RNF213: variants seen among roughly 807,000 people sequenced by gnomAD.
The protein encoded by RNF213 is E3 ubiquitin-protein ligase RNF213.
In RNF213, 341 loss-of-function variants were observed where a neutral mutation model predicts 514.4. The ratio of observed to expected loss-of-function variants is 0.66; its 90% CI spans 0.61 to 0.73. The LOEUF is 0.73. Ranked by LOEUF, RNF213 falls within the 30% of genes least tolerant of loss-of-function variation. The pLI, the probability that RNF213 is intolerant of heterozygous loss-of-function variation, is 0.00. For missense variants in RNF213, 5,767 were observed against 6,615.6 expected (o/e 0.87, Z 4.45); for synonymous variants, 2,655 against 2,658.2 (o/e 1.00, Z 0.04).
chr17:80,385,506 A>T (rs755030616), intron 60 of RNF213, 32 bp from the exon 61 acceptor site: 11 of 1,603,320 alleles, frequency 6.9e-6, no homozygotes, highest in Admixed American at 6.7e-5. Flanking sequence ...GGTTGCTATC[A>T]TACGGTTCTT....
chr17:80,291,236 A>G (rs2044716524), intron 7 of RNF213, among the ~76,000 whole-genome samples: 1 of 151,536 alleles, frequency 6.6e-6, no homozygotes, highest in Admixed American at 6.6e-5. Flanking sequence ...TTTCTTTTTA[A>G]AAGTATTCTT....
Position 80,393,814 on chromosome 17 carries a change from A to C in RNF213, c.*316A>C. ...TTACATTCCAGGAGACTTGTAGCTC[A>C]GCCACACACGCAGTAATGACCTGTG... On this transcript the variant is annotated 3_prime_UTR_variant, in exon 68 of 68. Coordinates refer to ENST00000582970, the MANE Select transcript of RNF213 (RefSeq NM_001256071.3). 2.7e-6 allele frequency: 1 copy of C among 365,070 alleles called. No homozygotes were observed. Among genetic ancestry groups the C allele is most frequent in the South Asian group, 2.3e-5 (1 of 43,108 alleles). 22.6% of individuals were successfully genotyped at this position (365,070 alleles called of 1,614,324 possible).
chr17:80,261,484 G>A (rs1005667496), intron 1 of RNF213, among the ~76,000 whole-genome samples: 6 of 152,204 alleles, frequency 3.9e-5, no homozygotes, highest in African/African-American at 1.2e-4. Flanking sequence ...CCGGCGGGCC[G>A]GGCCCTGGGG....
chr17:80,322,145 T>TCC lies in RNF213; in HGVS notation c.3024+2839_3024+2840dup, dbSNP rs58281950. Among the ~76,000 whole-genome samples the TCC allele has an allele frequency of 2.5e-3, 225 of 88,626 alleles. 1 individual carries two copies. The highest frequency in any genetic ancestry group is 1.0e-2 in the East Asian group (15 of 1,504). 58.1% of individuals were successfully genotyped at this position (88,626 alleles called of 152,430 possible). A position where few individuals can be genotyped will look rare whatever the true frequency, so the allele number is the denominator to read the frequency against. Reference sequence around the variant, plus strand: ...GTTTATTGAGATATTTTGCCCCTCATCCCCCCCACCCCCCCTTTTTTTTTT... The same window carrying TCC: ...GTTTATTGAGATATTTTGCCCCTCATCCCCCCCCCACCCCCCCTTTTTTTTTT... On this transcript the variant is annotated intron_variant, in intron 17 of 67. Coordinates refer to ENST00000582970, the MANE Select transcript of RNF213 (RefSeq NM_001256071.3).
Position 80,353,193 on chromosome 17 carries a change from C to A in RNF213, c.10423+134C>A. ...CCTCGGCAGGAGCTCGGGGACACAT[C>A]TGCAGAACTGACTGGTGGCTCATCA... On this transcript the variant is annotated intron_variant, in intron 33 of 67. Transcript: ENST00000582970. This position sits in a 1 kb window ranked among gnomAD's most constrained non-coding sequence, Gnocchi z 5.0. 3.3e-6 allele frequency: 4 copies of A among 1,220,498 alleles called. No individual in the cohort carries two copies. In the South Asian group the frequency reaches 5.2e-5, roughly 16 times the overall value. The allele number at this position is 1,220,498 out of a possible 1,614,324, so 75.6% of individuals were successfully genotyped here.
At position 80,371,936 on chromosome 17, in the gene RNF213, T is replaced by C; in HGVS notation, c.12488T>C (p.Ile4163Thr). 1 of 1,598,830 alleles carries C rather than the reference T, an allele frequency of 6.3e-7. No individual in the cohort carries two copies. The highest frequency in any genetic ancestry group is 1.1e-5 in the South Asian group (1 of 90,806). Residue 4163 changes from isoleucine (I) to threonine (T), a missense_variant, in exon 47 of 68, where the codon ATA (isoleucine) becomes ACA (threonine). By Grantham distance (89) the Ile-to-Thr change is moderately conservative. This residue lies in a region of RNF213 where 1,245 missense variants were observed against 1,339.0 expected (regional missense o/e 0.93). Coordinates refer to ENST00000582970, the MANE Select transcript of RNF213 (RefSeq NM_001256071.3). ...ACCCTGTTAAAAAAGAAAGCATTCATAACTGAAGATAAAACTGAACTGTAC... is the reference window on the plus strand; with the variant it reads ...ACCCTGTTAAAAAAGAAAGCATTCACAACTGAAGATAAAACTGAACTGTAC... ...YLTLLKKKAF[I>T]TEDKTELYML...
At chr17:80,355,426 CGGGG>C (rs2078721995) in intron 36 of RNF213, 1 of 104,658 alleles carries the variant, frequency 9.6e-6, no homozygotes, top group Admixed American at 8.3e-5. Flanking sequence ...GAGGAAGAAG[CGGGG>C]TGGATGGGAA....
At chr17:80,287,472 A>G (rs1331432567) in intron 3 of RNF213, among the ~76,000 whole-genome samples, 3 of 152,220 alleles carry the variant, frequency 2.0e-5, no homozygotes, top group East Asian at 3.9e-4. Context: ...CCTGCACTCC[A>G]TCCTGGGCGA....
intron 2 of RNF213, among the ~76,000 whole-genome samples, chr17:80,271,116 TGGGAG>T (rs2043806905): frequency 2.0e-5 from 3 of 150,650 alleles, no homozygotes; most frequent in African/African-American, 7.4e-5. Context: ...GGTAGGTTGG[TGGGAG>T]GGTAGGTTGG....
At chr17:80,351,353 C>T (rs936515825) in intron 31 of RNF213, among the ~76,000 whole-genome samples, 16 of 152,188 alleles carry the variant, frequency 1.1e-4, no homozygotes, top group African/African-American at 3.6e-4. Context: ...TTCAGCTGTC[C>T]TCACCCTTAG....
At chr17:80,327,687 C>A in intron 18 of RNF213, 129 bp from the exon 19 acceptor site, 1 of 751,012 alleles carries the variant, frequency 1.3e-6, no homozygotes, top group Non-Finnish European at 2.1e-6. Flanking sequence ...TCTGGAGACA[C>A]TGGCCAGCCA....
At chr17:80,307,039 T>G in intron 12 of RNF213, 89 bp from the exon 13 acceptor site, 1 of 1,231,304 alleles carries the variant, frequency 8.1e-7, no homozygotes, top group Non-Finnish European at 1.2e-6. Context: ...ACCATATTGA[T>G]GTTGGATTTT....
chr17:80,376,540 G>T lies in RNF213; in HGVS notation c.13425G>T (p.Met4475Ile). ...LKNLAFSPATMAHAFLPTMPE... is the reference protein window; with the variant it reads ...LKNLAFSPATIAHAFLPTMPE... ...ATCTGGCCTTCTCCCCAGCCACCATGGCGGTAAGAGTAGGCCACAATTCCA... is the reference window on the plus strand; with the variant it reads ...ATCTGGCCTTCTCCCCAGCCACCATTGCGGTAAGAGTAGGCCACAATTCCA... Residue 4475 changes from methionine to isoleucine, a missense_variant, in exon 52 of 68, where the codon ATG (methionine) becomes ATT (isoleucine). By Grantham distance (10) the Met-to-Ile change is conservative. Transcript: ENST00000582970. 6.2e-7 allele frequency: 1 copy of T among 1,614,006 alleles called. No individual in the cohort carries two copies. The highest frequency in any genetic ancestry group is 2.2e-5 in the East Asian group (1 of 44,882).
chr17:80,358,193 G>A (rs2144323322), intron 36 of RNF213, 95 bp from the exon 37 acceptor site: 1 of 1,045,098 alleles, frequency 9.6e-7, no homozygotes, highest in East Asian at 2.5e-5. Context: ...TAGTTGTTTT[G>A]TTAATGCTCA....
In RNF213 at chr17:80,349,974, G is replaced by T. The variant is rs181148698; in HGVS notation, c.10088+68G>T. 4 of 1,573,804 alleles carry T rather than the reference G, an allele frequency of 2.5e-6. No homozygotes were observed. The East Asian group carries it at 6.7e-5, about 26-fold the overall frequency. ...CGCAGCCGTGTGGCTTCTGCGTGGC[G>T]ATGGTACCCGCGCCGGTTAATGAGC... is the stretch of plus-strand genomic sequence containing the variant. On this transcript the variant is annotated intron_variant, in intron 30 of 67. Coordinates refer to ENST00000582970, the MANE Select transcript of RNF213 (RefSeq NM_001256071.3).
chr17:80,318,674 C>T (rs1484212349), intron 16 of RNF213, among the ~76,000 whole-genome samples: 6 of 152,038 alleles, frequency 3.9e-5, no homozygotes, highest in East Asian at 1.9e-4. Context: ...CCCGGGTTCA[C>T]GCCATTCTCC....
chr17:80,387,559 G>C (rs949898470), intron 63 of RNF213, among the ~76,000 whole-genome samples: 3 of 152,176 alleles, frequency 2.0e-5, no homozygotes, highest in African/African-American at 7.2e-5. Flanking sequence ...GTAGTTAAAA[G>C]CATCCTGTAC....
Position 80,360,140 on chromosome 17 carries a change from A to G in RNF213, c.11134A>G (p.Ser3712Gly), listed in dbSNP as rs2079001291. ...GAACGCTTCCAACAACGTCCCTTTC[A>G]GCTGGAAAATCAAGGACTATCTGGA... Reference protein sequence around the residue: ...SENASNNVPFSWKIKDYLEEL... With the variant: ...SENASNNVPFGWKIKDYLEEL... The change falls in exon 38 of 68, where the codon AGC (serine) becomes GGC (glycine). Residue 3712 changes from serine (S) to glycine (G), a missense_variant. This residue lies in a region of RNF213 where 919 missense variants were observed against 1,121.0 expected (regional missense o/e 0.82). Transcript: ENST00000582970. The G allele has an allele frequency of 1.9e-6, 3 of 1,614,134 alleles. No individual in the cohort carries two copies. The East Asian group carries it at 6.7e-5, about 36-fold the overall frequency.
chr17:80,295,140 C>A, intron 9 of RNF213, 137 bp downstream of exon 9: 1 of 1,014,770 alleles, frequency 9.9e-7, no homozygotes, highest in Non-Finnish European at 1.5e-6. Flanking sequence ...TTTCTCCTAC[C>A]ACTGTCTCTT....
Sources: allele counts gnomAD v4.1 joint callset (sites outside exome capture counted in the v4.1 genomes callset), GRCh38; gene constraint gnomAD v4.1.1; regional missense constraint gnomAD v4.1.1; non-coding constraint Gnocchi (gnomAD v3.1); transcripts MANE v1.5; gene names NCBI Gene and HGNC (gene_info 2026-07-23, HGNC 2026-07-21).